ABTB3: variants seen among roughly 807,000 people sequenced by gnomAD.
ABTB3 encodes ankyrin repeat- and BTB/POZ domain-containing protein 3.
At chr12:107,482,234 T>G in the ABTB3 span, among the ~76,000 whole-genome samples, 1 of 152,118 alleles carries the variant, frequency 6.6e-6, no homozygotes, top group Non-Finnish European at 1.5e-5. Context: ...TCTAGCCTGT[T>G]CCTCCAGCTC....
the ABTB3 span, among the ~76,000 whole-genome samples, chr12:107,555,356 C>T: frequency 3.9e-5 from 6 of 152,166 alleles, no homozygotes; most frequent in Non-Finnish European, 5.9e-5. Context: ...AGTTCTCAGC[C>T]GAGGGGTAGA....
chr12:107,356,364 C>T, the ABTB3 span, among the ~76,000 whole-genome samples: 1 of 152,176 alleles, frequency 6.6e-6, no homozygotes, highest in Non-Finnish European at 1.5e-5. Flanking sequence ...CTTCCCCTTC[C>T]TTATGGAGAA....
chr12:107,569,870 CTCTGCGTTTATCAACAAGTGGCT>C, the ABTB3 span, among the ~76,000 whole-genome samples: 2 of 152,230 alleles, frequency 1.3e-5, no homozygotes, highest in Non-Finnish European at 2.9e-5. Context: ...TATCTTGTTG[CTCTGCGTTTATCAACAAGTGGCT>C]TCCACCGCAT....
At chr12:107,574,842 T>C in the ABTB3 span, among the ~76,000 whole-genome samples, 4 of 152,214 alleles carry the variant, frequency 2.6e-5, no homozygotes, top group African/African-American at 9.6e-5. Context: ...TAAGAAGCAC[T>C]GACCTAGAAC....
At chr12:107,361,341 C>T in the ABTB3 span, among the ~76,000 whole-genome samples, 153 of 152,154 alleles carry the variant, frequency 1.0e-3, 3 homozygotes, top group South Asian at 2.1e-3. Context: ...CTGCTTTTTT[C>T]ATTTGTCAGA....
At chr12:107,339,356 A>G in the ABTB3 span, among the ~76,000 whole-genome samples, 1 of 152,328 alleles carries the variant, frequency 6.6e-6, no homozygotes, top group East Asian at 1.9e-4. Flanking sequence ...GATTCTTGAA[A>G]AGATGAGGAC....
chr12:107,477,944 A>G, the ABTB3 span, among the ~76,000 whole-genome samples: 1 of 152,182 alleles, frequency 6.6e-6, no homozygotes, highest in Admixed American at 6.5e-5. Context: ...ATTGATCAGG[A>G]CAAGCAAACT....
the ABTB3 span, among the ~76,000 whole-genome samples, chr12:107,494,421 C>T: frequency 7.9e-5 from 12 of 152,318 alleles, no homozygotes; most frequent in South Asian, 1.2e-3. Context: ...GAGGTAGGAG[C>T]TGGTCAGGAA....
At chr12:107,339,925 A>G in the ABTB3 span, among the ~76,000 whole-genome samples, 1 of 152,160 alleles carries the variant, frequency 6.6e-6, no homozygotes, top group Non-Finnish European at 1.5e-5. Flanking sequence ...GGCTAGAAAA[A>G]AATTTGTAAT....
the ABTB3 span, among the ~76,000 whole-genome samples, chr12:107,322,937 T>G: frequency 9.2e-5 from 14 of 152,242 alleles, no homozygotes. Flanking sequence ...ATATACTTTT[T>G]GTTCCTATCA....
the ABTB3 span, among the ~76,000 whole-genome samples, chr12:107,433,873 G>T: frequency 3.3e-5 from 5 of 152,180 alleles, no homozygotes; most frequent in Non-Finnish European, 7.3e-5. Flanking sequence ...CAAGATCAGG[G>T]ATCAGTCGGG....
At chr12:107,491,753 G>T in the ABTB3 span, among the ~76,000 whole-genome samples, 1 of 151,076 alleles carries the variant, frequency 6.6e-6, no homozygotes, top group African/African-American at 2.5e-5. Flanking sequence ...AACTTGGTAG[G>T]CAGAGGTTGC....
At chr12:107,539,512 C>A in the ABTB3 span, among the ~76,000 whole-genome samples, 3 of 152,136 alleles carry the variant, frequency 2.0e-5, no homozygotes, top group Non-Finnish European at 4.4e-5. Flanking sequence ...TCTCAGTGCA[C>A]CCCAAAGGGA....
At chr12:107,589,866 G>A in the ABTB3 span, among the ~76,000 whole-genome samples, 258 of 152,362 alleles carry the variant, frequency 1.7e-3, no homozygotes, top group African/African-American at 5.9e-3. Context: ...GTCAGGAAGT[G>A]TGTTGGTGGT....
chr12:107,421,265 C>G, the ABTB3 span, among the ~76,000 whole-genome samples: 9 of 152,106 alleles, frequency 5.9e-5, no homozygotes, highest in Admixed American at 2.0e-4. Flanking sequence ...GCCACTTTCT[C>G]CAAATTGCAT....
the ABTB3 span, among the ~76,000 whole-genome samples, chr12:107,603,678 C>A: frequency 5.3e-5 from 8 of 152,094 alleles, no homozygotes; most frequent in Non-Finnish European, 1.0e-4. Flanking sequence ...AAAGTATAGG[C>A]AACAAAAGCA....
At chr12:107,556,718 G>A in the ABTB3 span, among the ~76,000 whole-genome samples, 1 of 152,108 alleles carries the variant, frequency 6.6e-6, no homozygotes, top group Non-Finnish European at 1.5e-5. Flanking sequence ...GCTAATAAAA[G>A]TGGAATAGTG....
the ABTB3 span, among the ~76,000 whole-genome samples, chr12:107,639,414 G>A: frequency 1.3e-5 from 2 of 152,168 alleles, no homozygotes; most frequent in Admixed American, 1.3e-4. Context: ...TCATCAGATT[G>A]AGGGGCCAAG....
chr12:107,344,687 G>A, the ABTB3 span, among the ~76,000 whole-genome samples: 1 of 152,194 alleles, frequency 6.6e-6, no homozygotes, highest in Non-Finnish European at 1.5e-5. Context: ...AATGTTCTTG[G>A]CATTTTCCAG....
Sources: allele counts gnomAD v4.1 joint callset (sites outside exome capture counted in the v4.1 genomes callset), GRCh38; gene constraint gnomAD v4.1.1; transcripts MANE v1.5; gene names NCBI Gene and HGNC (gene_info 2026-07-23, HGNC 2026-07-21).